DNAH9: variants seen among roughly 807,000 people sequenced by gnomAD.
DNAH9 encodes dynein axonemal heavy chain 9, also known as DNAH9 variant protein.
DNAH9 carries 345 observed loss-of-function variants against 471.6 expected under a neutral mutation model. The observed-to-expected ratio is 0.73, with a 90% CI of 0.67 to 0.80. DNAH9 has a LOEUF of 0.80. Ranked by LOEUF, DNAH9 falls within the 30% of genes least tolerant of loss-of-function variation. DNAH9 has a pLI of 0.00. For missense variants in DNAH9, 5,407 were observed against 5,609.2 expected (o/e 0.96, Z 1.15); for synonymous variants, 2,093 against 2,123.6 (o/e 0.99, Z 0.40).
chr17:11,708,000 CACACACACACACACAGAGAGAG>C (rs1337622490), intron 26 of DNAH9, among the ~76,000 whole-genome samples: 42 of 51,300 alleles, frequency 8.2e-4, no homozygotes, highest in East Asian at 4.5e-3. Context: ...CACACACACA[CACACACACACACACAGAGAGAG>C]AGAGAGAGAG....
At chr17:11,684,598 T>C (rs950924341) in intron 19 of DNAH9, among the ~76,000 whole-genome samples, 14 of 152,178 alleles carry the variant, frequency 9.2e-5, no homozygotes, top group South Asian at 2.1e-4. Flanking sequence ...ACATATAGTC[T>C]TCTTGCCCAC....
chr17:11,637,659 G>A (rs1346882147), intron 9 of DNAH9, among the ~76,000 whole-genome samples: 1 of 152,168 alleles, frequency 6.6e-6, no homozygotes, highest in Admixed American at 6.5e-5. Flanking sequence ...ACAGCGCTTT[G>A]CACATAGTGG....
At position 11,742,200 on chromosome 17, in the gene DNAH9, TTTGAA is replaced by T; in HGVS notation, c.6003_6007del (p.Glu2001AspfsTer3). On this transcript the variant is annotated frameshift_variant, in exon 30 of 69. Transcript: ENST00000262442. LOFTEE classifies it high-confidence loss of function. ...GCCTTGTGCAATGGTGGTTCCAGAC[TTTGAA>T]TTGATCTGTGAAATCATGCTGGTGG... 1 of 1,614,144 alleles carries T rather than the reference TTTGAA, an allele frequency of 6.2e-7. No homozygotes were observed. Among genetic ancestry groups the T allele is most frequent in the Non-Finnish European group, 8.5e-7 (1 of 1,180,002 alleles).
At chr17:11,654,956 T>C (rs1016919334) in intron 14 of DNAH9, among the ~76,000 whole-genome samples, 4 of 152,054 alleles carry the variant, frequency 2.6e-5, no homozygotes, top group African/African-American at 9.7e-5. Context: ...AATACAAAAC[T>C]TAGTAATTAG....
Position 11,767,085 on chromosome 17 carries a change from C to T in DNAH9, c.7171-1368C>T, listed in dbSNP as rs149218463. Among the ~76,000 whole-genome samples the T allele has an allele frequency of 7.2e-3, 1,098 of 152,266 alleles. 13 individuals are homozygous for T. The highest frequency in any genetic ancestry group is 0.025 in the African/African-American group (1,031 of 41,546). The stretch of plus-strand genomic sequence containing the variant: ...AGTACAAGGTGCGGTCAAGCACCAG[C>T]TTACAGGAAGGTGAGACAATGTCGG... On this transcript the variant is annotated intron_variant, in intron 36 of 68. Transcript: ENST00000262442.
chr17:11,816,876 G>T (rs560429887), intron 45 of DNAH9, among the ~76,000 whole-genome samples: 1 of 151,954 alleles, frequency 6.6e-6, no homozygotes, highest in African/African-American at 2.4e-5. Context: ...CCCAACTTTC[G>T]GTGAAACCTC....
At chr17:11,901,278 C>T (rs1309288568) in intron 59 of DNAH9, among the ~76,000 whole-genome samples, 1 of 152,152 alleles carries the variant, frequency 6.6e-6, no homozygotes, top group Non-Finnish European at 1.5e-5. Flanking sequence ...CATCTAAAAA[C>T]GAAGTCAAGC....
chr17:11,689,163 G>T (rs1348888497), intron 19 of DNAH9, among the ~76,000 whole-genome samples: 1 of 152,006 alleles, frequency 6.6e-6, no homozygotes, highest in Admixed American at 6.6e-5. Context: ...CAAGGCCCTT[G>T]GCTTTCCGGC....
In DNAH9 at chr17:11,671,404, AG is replaced by A. The variant is rs141475221; in HGVS notation, c.3353+1611del. On this transcript the variant is annotated intron_variant, in intron 17 of 68. Transcript: ENST00000262442. The stretch of plus-strand genomic sequence containing the variant: ...GGAGCTCCAGCGTCCATCAGGAAGC[AG>A]AGGGGGGGCAGAGAATACAGGCAGG... Among the ~76,000 whole-genome samples, 1,376 of 152,216 alleles carry A rather than the reference AG, an allele frequency of 9.0e-3. 19 individuals are homozygous for A. Among genetic ancestry groups the A allele is most frequent in the Non-Finnish European group, 0.013 (866 of 68,034 alleles).
At chr17:11,611,165 G>A (rs1173537398) in intron 3 of DNAH9, among the ~76,000 whole-genome samples, 1 of 152,178 alleles carries the variant, frequency 6.6e-6, no homozygotes, top group Non-Finnish European at 1.5e-5. Context: ...GATGTTAGCG[G>A]CAGACGTGCC....
chr17:11,674,011 A>G (rs1182246024), intron 17 of DNAH9, among the ~76,000 whole-genome samples: 5 of 152,132 alleles, frequency 3.3e-5, no homozygotes, highest in Non-Finnish European at 7.4e-5. Flanking sequence ...ACTCAGCATT[A>G]TGTTTGAGAT....
Position 11,598,868 on chromosome 17 carries a change from G to A in DNAH9, c.370G>A (p.Asp124Asn). 2.6e-6 allele frequency: 4 copies of A among 1,544,218 alleles called. No homozygotes were observed. The highest frequency in any genetic ancestry group is 3.5e-6 in the Non-Finnish European group (4 of 1,151,538). ...CTTCCGCGGCGCAGTGGTCTGCGGG[G>A]ACCTGCCCGCGGCACCTCTGGAGCA... is the stretch of plus-strand genomic sequence containing the variant. ...DSFRGAVVCG[D>N]LPAAPLEHLA... is the part of the protein sequence containing the mutation. The change falls in exon 1 of 69, where the codon GAC becomes AAC. Residue 124 changes from aspartate (D) to asparagine (N), a missense_variant. This residue lies in a region of DNAH9 where 767 missense variants were observed against 692.5 expected (regional missense o/e 1.11). Transcript: ENST00000262442.
chr17:11,808,073 G>A (rs750419044), intron 44 of DNAH9, among the ~76,000 whole-genome samples, 179 bp downstream of exon 44: 16 of 152,298 alleles, frequency 1.1e-4, no homozygotes, highest in Non-Finnish European at 1.2e-4. Flanking sequence ...CTCAGCCTGA[G>A]AACAGTGGCA....
At chr17:11,842,227 T>C (rs1456949820) in intron 49 of DNAH9, among the ~76,000 whole-genome samples, 1 of 152,214 alleles carries the variant, frequency 6.6e-6, no homozygotes, top group African/African-American at 2.4e-5. Flanking sequence ...AACTTATTAA[T>C]AGTGGTGTAA....
chr17:11,801,060 T>A (rs926733653), intron 43 of DNAH9, among the ~76,000 whole-genome samples: 6 of 152,180 alleles, frequency 3.9e-5, no homozygotes, highest in Non-Finnish European at 5.9e-5. Flanking sequence ...TTGTGCATAG[T>A]GCTTTGCATA....
chr17:11,790,053 T>C (rs1969008771), intron 41 of DNAH9, among the ~76,000 whole-genome samples: 1 of 152,046 alleles, frequency 6.6e-6, no homozygotes, highest in Non-Finnish European at 1.5e-5. Context: ...GAAGACACTC[T>C]ATATGGATTT....
chr17:11,823,642 C>T (rs971841669), intron 48 of DNAH9, among the ~76,000 whole-genome samples: 1 of 152,132 alleles, frequency 6.6e-6, no homozygotes, highest in Non-Finnish European at 1.5e-5. Flanking sequence ...GGAAAGAAGG[C>T]CCCTGTCGGC....
intron 68 of DNAH9, among the ~76,000 whole-genome samples, chr17:11,967,870 T>G (rs931799908): frequency 3.3e-5 from 5 of 151,600 alleles, no homozygotes; most frequent in Non-Finnish European, 5.9e-5. Flanking sequence ...ATAGAAATTA[T>G]AGAGACAAAA....
Position 11,804,932 on chromosome 17 carries a change from C to T in DNAH9, c.8421-2800C>T, listed in dbSNP as rs114891849. On this transcript the variant is annotated intron_variant, in intron 43 of 68. Transcript: ENST00000262442. ...AGTGGTGGCATGCAAATGTAATCTC[C>T]GCTACTCGCTACTCGGGAGGCTGAA... Among the ~76,000 whole-genome samples, 1,364 of 151,478 alleles carry T rather than the reference C, an allele frequency of 9.0e-3. 18 individuals carry two copies. The highest frequency in any genetic ancestry group is 0.031 in the African/African-American group (1,291 of 41,278).
Sources: gnomAD v4.1 joint callset for allele counts (sites outside exome capture counted in the v4.1 genomes callset) on GRCh38, gnomAD v4.1.1 for gene constraint, gnomAD v4.1.1 regional missense constraint, MANE v1.5 for transcripts, NCBI Gene and HGNC (gene_info 2026-07-23, HGNC 2026-07-21) for gene names.